FRAS1: variants seen among roughly 807,000 people sequenced by gnomAD.
The protein encoded by FRAS1 is Fraser extracellular matrix complex subunit 1, also known as extracellular matrix organizing protein FRAS1.
In FRAS1, 290 loss-of-function variants were observed where a neutral mutation model predicts 435.2. The ratio of observed to expected loss-of-function variants is 0.67; its 90% CI spans 0.61 to 0.73. FRAS1 has a LOEUF of 0.73. FRAS1 is among the 30% of genes least tolerant of loss of function. The pLI is 0.00. For missense variants in FRAS1, 4,860 were observed against 5,001.5 expected, an observed-to-expected ratio of 0.97 and a Z score of 0.85; for synonymous variants, 1,800 against 1,851.0, an observed-to-expected ratio of 0.97 and a Z score of 0.71.
At chr4:78,482,294 C>A in intron 57 of FRAS1, 94 bp from the exon 58 acceptor site, 1 of 1,403,318 alleles carries the variant, frequency 7.1e-7, no homozygotes, top group South Asian at 1.2e-5. Flanking sequence ...TTAAAACCAC[C>A]AAAGACAGGC....
At chr4:78,281,492 C>G (rs182462590) in intron 11 of FRAS1, 59 bp downstream of exon 11, 1 of 1,108,268 alleles carries the variant, frequency 9.0e-7, no homozygotes, top group Non-Finnish European at 1.3e-6. Context: ...ATGTAATGAT[C>G]TGCATGAAAT....
intron 2 of FRAS1, among the ~76,000 whole-genome samples, chr4:78,072,705 T>C (rs1455194554): frequency 6.6e-6 from 1 of 152,216 alleles, no homozygotes; most frequent in Non-Finnish European, 1.5e-5. Context: ...TTCATCATTT[T>C]TTATGCCTCT....
In FRAS1 at chr4:78,400,868, A is replaced by C. The variant is rs577149422; in HGVS notation, c.4110A>C (p.Thr1370=). The C allele has an allele frequency of 4.3e-6, 7 of 1,613,740 alleles. No homozygotes were observed. The South Asian group carries it at 6.6e-5, about 15-fold the overall frequency. ...CTGAAGAAATCATCTACAAGATTAC[A>C]CAAGACTACCCCCAGTTTGGTAACT... The part of the protein sequence containing the change: ...ASAEEIIYKI[T]QDYPQFGEVV... The change falls in exon 30 of 74, where the codon ACA becomes ACC. Residue 1370 remains threonine (T), a synonymous_variant. Transcript: ENST00000512123.
rs1292942450 is a variant in FRAS1, at chr4:78,273,738, T to A, written c.982-4917T>A. ...TGCCAGTATTTTATTGAGGATTTTT[T>A]CATTGATGTTCCTCATGGATATTGG... On this transcript the variant is annotated intron_variant, in intron 9 of 73. Coordinates refer to ENST00000512123, the MANE Select transcript of FRAS1 (RefSeq NM_025074.7). Among the ~76,000 whole-genome samples, 3 of 152,196 alleles carry A rather than the reference T, an allele frequency of 2.0e-5. No homozygotes were observed. The East Asian group carries it at 5.8e-4, about 29-fold the overall frequency.
intron 72 of FRAS1, among the ~76,000 whole-genome samples, chr4:78,537,459 G>A (rs1004950885): frequency 1.3e-5 from 2 of 152,162 alleles, no homozygotes; most frequent in Admixed American, 6.5e-5. Context: ...TCAGAGACCT[G>A]GAGTGTCCCC....
intron 2 of FRAS1, among the ~76,000 whole-genome samples, chr4:78,201,169 G>A (rs1723037258): frequency 6.6e-6 from 1 of 152,094 alleles, no homozygotes; most frequent in South Asian, 2.1e-4. Flanking sequence ...CAGGGATCAT[G>A]TCTTATCCTT....
At chr4:78,209,964 T>A (rs1723433633) in intron 2 of FRAS1, among the ~76,000 whole-genome samples, 3 of 152,212 alleles carry the variant, frequency 2.0e-5, no homozygotes, top group Admixed American at 2.0e-4. Context: ...GGCTGTGTCC[T>A]GTCTGGGGTT....
chr4:78,173,526 CCCCATTCCCAGT>C (rs1289429399), intron 2 of FRAS1, among the ~76,000 whole-genome samples: 5 of 152,206 alleles, frequency 3.3e-5, no homozygotes, highest in African/African-American at 1.2e-4. Context: ...TGGGAAGCTC[CCCCATTCCCAGT>C]CCCATTCCCA....
chr4:78,469,981 A>G lies in FRAS1; in HGVS notation c.7261A>G (p.Met2421Val), dbSNP rs746646877. Residue 2421 changes from methionine to valine, a missense_variant, in exon 51 of 74, where the codon ATG becomes GTG. Coordinates refer to ENST00000512123, the MANE Select transcript of FRAS1 (RefSeq NM_025074.7). ...TCTTTTCTGCCCTCCCCTTCAGATT[A>G]TGACAGCAGCACCTCAGCCGTTCCG... ...FIIEEGGKEI[M>V]TAAPQPFRVD... The G allele has an allele frequency of 1.2e-6, 2 of 1,612,316 alleles. No individual in the cohort carries two copies. Among genetic ancestry groups the G allele is most frequent in the South Asian group, 2.2e-5 (2 of 90,894 alleles).
intron 2 of FRAS1, among the ~76,000 whole-genome samples, chr4:78,228,187 C>G (rs1217702527): frequency 6.6e-6 from 1 of 152,182 alleles, no homozygotes; most frequent in African/African-American, 2.4e-5. Flanking sequence ...TTTTTTCCCC[C>G]ATTTCCCTTA....
intron 37 of FRAS1, among the ~76,000 whole-genome samples, chr4:78,431,951 T>C (rs1369181148): frequency 1.9e-4 from 29 of 152,124 alleles, no homozygotes; most frequent in Admixed American, 1.9e-3. Context: ...TTTCTTAACT[T>C]TTTCAAAAAA....
rs1721962089 is a variant in FRAS1 at position 78,538,829 on chromosome 4, C to T, written c.11299-465C>T. Among the ~76,000 whole-genome samples, 5 of 152,122 alleles carry T rather than the reference C, an allele frequency of 3.3e-5. No individual in the cohort carries two copies. In the South Asian group the frequency reaches 8.3e-4, roughly 25 times the overall value. ...AATTAGCCTGGTGTGGTGGCAGGCT[C>T]CTGTAGTCCCAGCTACTCCGGAGGC... On this transcript the variant is annotated intron_variant, in intron 72 of 73. Transcript: ENST00000512123.
At chr4:78,527,088 T>C (rs1214145024) in intron 70 of FRAS1, among the ~76,000 whole-genome samples, 1 of 152,192 alleles carries the variant, frequency 6.6e-6, no homozygotes, top group Non-Finnish European at 1.5e-5. Flanking sequence ...ATAAGGGGTC[T>C]TTACACAGAA....
At chr4:78,117,063 A>G (rs1013656791) in intron 2 of FRAS1, among the ~76,000 whole-genome samples, 3 of 152,172 alleles carry the variant, frequency 2.0e-5, no homozygotes, top group African/African-American at 4.8e-5. Context: ...TTGTCTCTAA[A>G]GGATTTTATT....
intron 2 of FRAS1, among the ~76,000 whole-genome samples, chr4:78,189,646 A>G (rs1404869865): frequency 1.3e-5 from 2 of 152,130 alleles, no homozygotes; most frequent in African/African-American, 2.4e-5. Flanking sequence ...ATTCGGCTCT[A>G]TGGTTCAAAT....
intron 15 of FRAS1, among the ~76,000 whole-genome samples, chr4:78,310,301 G>T (rs1302267406): frequency 1.3e-5 from 2 of 152,184 alleles, no homozygotes; most frequent in Admixed American, 1.3e-4. Flanking sequence ...TGGGATGCTG[G>T]TTACTGTCAC....
chr4:78,509,140 C>G lies in FRAS1; in HGVS notation c.9780+134C>G, dbSNP rs1720949603. On this transcript the variant is annotated intron_variant, in intron 63 of 73. Coordinates refer to ENST00000512123, the MANE Select transcript of FRAS1 (RefSeq NM_025074.7). Reference sequence around the variant, plus strand: ...TAAAACAAATAAGCAGGTGCACAGTCTTTTTACTCTTATACATAAGAAAAG... The same window carrying G: ...TAAAACAAATAAGCAGGTGCACAGTGTTTTTACTCTTATACATAAGAAAAG... 7.3e-6 allele frequency: 7 copies of G among 952,556 alleles called. No homozygotes were observed. In the South Asian group the frequency reaches 9.7e-5, roughly 13 times the overall value. The allele number at this position is 952,556 out of a possible 1,614,324, so 59.0% of individuals were successfully genotyped here.
At chr4:78,061,195 G>A (rs1399082818) in intron 1 of FRAS1, among the ~76,000 whole-genome samples, 2 of 152,120 alleles carry the variant, frequency 1.3e-5, no homozygotes, top group Non-Finnish European at 2.9e-5. Context: ...ATTTTTACAA[G>A]CAAATTATTG....
intron 2 of FRAS1, among the ~76,000 whole-genome samples, chr4:78,137,355 G>A (rs1029890031): frequency 5.3e-5 from 8 of 152,056 alleles, no homozygotes; most frequent in Non-Finnish European, 8.8e-5. Flanking sequence ...AATCATATAT[G>A]TATATTTCTG....
Sources: gnomAD v4.1 joint callset for allele counts (sites outside exome capture counted in the v4.1 genomes callset) on GRCh38, gnomAD v4.1.1 for gene constraint, MANE v1.5 for transcripts, NCBI Gene and HGNC (gene_info 2026-07-23, HGNC 2026-07-21) for gene names.